NFIA: variants seen among roughly 807,000 people sequenced by gnomAD.
The protein encoded by NFIA is nuclear factor 1 A-type.
NFIA carries 8 observed loss-of-function variants against 62.8 expected under a neutral mutation model. The ratio of observed to expected loss-of-function variants is 0.13; its 90% CI spans 0.07 to 0.23. The LOEUF is 0.23. NFIA is among the 10% of genes least tolerant of loss of function. NFIA has a pLI of 1.00. For synonymous variants in NFIA, 235 were observed against 238.1 expected, an observed-to-expected ratio of 0.99 and a Z score of 0.12; for missense variants, 410 against 642.1, an observed-to-expected ratio of 0.64 and a Z score of 3.91.
chr1:61,342,816 C>G (rs1432323499), intron 4 of NFIA, among the ~76,000 whole-genome samples: 1 of 152,194 alleles, frequency 6.6e-6, no homozygotes, highest in Non-Finnish European at 1.5e-5. Flanking sequence ...GAACAGATAT[C>G]TAGGAAATAT....
intron 2 of NFIA, among the ~76,000 whole-genome samples, chr1:61,161,559 C>CT (rs773402118): frequency 3.3e-5 from 5 of 150,798 alleles, no homozygotes; most frequent in Non-Finnish European, 1.5e-5. Context: ...GAGATCCTCT[C>CT]TTTCTCTCTA....
upstream of NFIA, among the ~76,000 whole-genome samples, chr1:61,081,098 C>G (rs942918932): frequency 6.6e-6 from 1 of 152,126 alleles, no homozygotes; most frequent in African/African-American, 2.4e-5. Context: ...AACATGATAC[C>G]TACCTCTTTC....
At chr1:61,141,421 A>G (rs1404834298) in intron 2 of NFIA, among the ~76,000 whole-genome samples, 2 of 11,658 alleles carry the variant, frequency 1.7e-4, no homozygotes, top group African/African-American at 1.3e-4. Context: ...ACTCAGGGGG[A>G]AAAAAAACCA....
In NFIA at chr1:61,304,667, A is replaced by ATT. The variant is rs55774470; in HGVS notation, c.625+27092_625+27093dup. Among the ~76,000 whole-genome samples the ATT allele has an allele frequency of 2.2e-3, 328 of 151,368 alleles. 2 individuals carry two copies. The highest frequency in any genetic ancestry group is 7.6e-3 in the African/African-American group (314 of 41,238). ...TTCCTGCCATTTGATCTAAGATCTG[A>ATT]TTTTTTTTTTTGTAGGATTGAAGAG... On this transcript the variant is annotated intron_variant, in intron 3 of 10. Transcript: ENST00000403491.
chr1:61,327,631 A>G (rs1369486972), intron 3 of NFIA, among the ~76,000 whole-genome samples: 26 of 152,110 alleles, frequency 1.7e-4, no homozygotes, highest in Admixed American at 1.7e-3. Context: ...CATGGTATAT[A>G]TATATACCAT....
chr1:61,221,902 A>G (rs568549369), intron 2 of NFIA, among the ~76,000 whole-genome samples: 1 of 152,262 alleles, frequency 6.6e-6, no homozygotes, highest in South Asian at 2.1e-4. Context: ...TGATTCGGTA[A>G]TAATGGCACA....
At chr1:61,091,664 G>A (rs929501240) in intron 2 of NFIA, among the ~76,000 whole-genome samples, 1 of 152,176 alleles carries the variant, frequency 6.6e-6, no homozygotes, top group African/African-American at 2.4e-5. Context: ...TAACAGTAAA[G>A]CTAATTTATG....
intron 2 of NFIA, among the ~76,000 whole-genome samples, chr1:61,276,657 T>C (rs1657823919): frequency 1.3e-5 from 2 of 152,212 alleles, no homozygotes; most frequent in African/African-American, 2.4e-5. Context: ...CCCCAAAAAC[T>C]GTACCATAAA....
intron 2 of NFIA, among the ~76,000 whole-genome samples, chr1:61,276,417 AC>A (rs1657810237): frequency 6.6e-6 from 1 of 152,228 alleles, no homozygotes; most frequent in Non-Finnish European, 1.5e-5. Context: ...TTTTGACCTT[AC>A]ATTAAACTTG....
chr1:61,416,970 A>T (rs1025421409), intron 9 of NFIA, among the ~76,000 whole-genome samples: 1 of 152,154 alleles, frequency 6.6e-6, no homozygotes, highest in African/African-American at 2.4e-5. Flanking sequence ...ATTGAAATAG[A>T]TGAAAAACAT....
upstream of NFIA, chr1:61,077,361 A>T: frequency 2.9e-6 from 1 of 345,006 alleles, no homozygotes; most frequent in Non-Finnish European, 5.2e-6. Flanking sequence ...AGAGAGTGAG[A>T]GCGAGCGAGC....
At chr1:61,417,095 T>C (rs773752142) in intron 9 of NFIA, among the ~76,000 whole-genome samples, 3 of 152,086 alleles carry the variant, frequency 2.0e-5, no homozygotes, top group Non-Finnish European at 4.4e-5. Context: ...AGTCAACTCT[T>C]GTGTTCACCT....
In NFIA at chr1:61,378,752, C is replaced by T. The variant is rs114337283; in HGVS notation, c.947-4485C>T. Among the ~76,000 whole-genome samples, 1,449 of 152,270 alleles carry T rather than the reference C, an allele frequency of 9.5e-3. 21 individuals are homozygous for T. Among genetic ancestry groups the T allele is most frequent in the African/African-American group, 0.034 (1,399 of 41,542 alleles). On this transcript the variant is annotated intron_variant, in intron 6 of 10. Coordinates refer to ENST00000403491, the MANE Select transcript of NFIA (RefSeq NM_001134673.4). ...CTGGAGCTCAAGGGCCTGTTGCTGACTCTCGTGATTGTTGGCAGAATTCAG... is the reference window on the plus strand; with the variant it reads ...CTGGAGCTCAAGGGCCTGTTGCTGATTCTCGTGATTGTTGGCAGAATTCAG...
At chr1:61,411,266 C>T (rs1030618271) in intron 9 of NFIA, among the ~76,000 whole-genome samples, 6 of 152,036 alleles carry the variant, frequency 3.9e-5, no homozygotes, top group African/African-American at 1.4e-4. Context: ...AAAAAAAATC[C>T]TGTGAAATAA....
chr1:61,326,983 C>A (rs1466889531), intron 3 of NFIA, among the ~76,000 whole-genome samples: 2 of 151,438 alleles, frequency 1.3e-5, no homozygotes, highest in African/African-American at 2.4e-5. Flanking sequence ...GTACTGTACT[C>A]TGAACGTTCT....
intron 6 of NFIA, among the ~76,000 whole-genome samples, chr1:61,367,124 T>C (rs575052276): frequency 4.9e-4 from 75 of 152,334 alleles, no homozygotes; most frequent in Admixed American, 2.7e-3. Flanking sequence ...TGCAGACTTA[T>C]GTTAGTCATT....
At chr1:61,454,079 C>T (rs543501142) in intron 10 of NFIA, among the ~76,000 whole-genome samples, 1 of 152,276 alleles carries the variant, frequency 6.6e-6, no homozygotes, top group African/African-American at 2.4e-5. Context: ...CCAAATGAGT[C>T]CTTACATTAC....
At chr1:61,132,226 C>T (rs1272755628) in intron 2 of NFIA, among the ~76,000 whole-genome samples, 1 of 152,150 alleles carries the variant, frequency 6.6e-6, no homozygotes, top group African/African-American at 2.4e-5. Context: ...CACTGAACGT[C>T]AAGCCAGCCT....
chr1:61,102,349 C>T (rs1646525710), intron 2 of NFIA, among the ~76,000 whole-genome samples: 1 of 152,086 alleles, frequency 6.6e-6, no homozygotes, highest in Non-Finnish European at 1.5e-5. Context: ...TTAAATAAGC[C>T]ATCTGTATAC....
Sources: allele counts gnomAD v4.1 joint callset (sites outside exome capture counted in the v4.1 genomes callset), GRCh38; gene constraint gnomAD v4.1.1; transcripts MANE v1.5; gene names NCBI Gene and HGNC (gene_info 2026-07-23, HGNC 2026-07-21).